The following SH3GL3 variants were observed in gnomAD, a reference collection of about 807,000 sequenced individuals.
SH3GL3 encodes SH3 domain containing GRB2 like 3, endophilin A3.
Under a neutral mutation model 47.7 loss-of-function variants are expected in SH3GL3, and 33 were observed. The observed-to-expected ratio is 0.69, with a 90% confidence interval of 0.52 to 0.92. The LOEUF (loss-of-function observed/expected upper bound fraction) is 0.92, where lower values mean the gene tolerates loss of function less well. Among genes scored for constraint, SH3GL3 ranks in the 40% least tolerant of loss-of-function variants. The pLI is 0.00. For missense variants in SH3GL3, 363 were observed against 417.8 expected (o/e 0.87, Z 1.14); for synonymous variants, 155 against 148.8 (o/e 1.04, Z -0.30).
At chr15:83,592,917 G>T (rs2060145020) in intron 8 of SH3GL3, among the ~76,000 whole-genome samples, 1 of 136,532 alleles carries the variant, frequency 7.3e-6, no homozygotes, top group Non-Finnish European at 1.6e-5. Flanking sequence ...CTGCACATCG[G>T]TTTAATAAAA....
intron 1 of SH3GL3, among the ~76,000 whole-genome samples, chr15:83,523,898 A>G (rs2043306159): frequency 6.6e-6 from 1 of 151,912 alleles, no homozygotes; most frequent in African/African-American, 2.4e-5. Context: ...AAACATCAAA[A>G]TCCTCCAAAA....
intron 2 of SH3GL3, among the ~76,000 whole-genome samples, chr15:83,562,459 T>A (rs1185621713): frequency 6.6e-6 from 1 of 152,176 alleles, no homozygotes; most frequent in Non-Finnish European, 1.5e-5. Context: ...GTTGTATATA[T>A]CAAAGGGAGC....
chr15:83,459,349 A>G (rs1265675034), intron 1 of SH3GL3, among the ~76,000 whole-genome samples: 1 of 152,226 alleles, frequency 6.6e-6, no homozygotes, highest in Non-Finnish European at 1.5e-5. Flanking sequence ...CTTCAATCCA[A>G]TCAAGTTGAC....
At chr15:83,481,068 G>C (rs2151555634) in intron 1 of SH3GL3, among the ~76,000 whole-genome samples, 1 of 152,230 alleles carries the variant, frequency 6.6e-6, no homozygotes, top group South Asian at 2.1e-4. Flanking sequence ...CTGAGGTTAG[G>C]AGTTCGAGAC....
At chr15:83,599,508 T>C (rs2060326137) in intron 8 of SH3GL3, among the ~76,000 whole-genome samples, 1 of 152,252 alleles carries the variant, frequency 6.6e-6, no homozygotes, top group Non-Finnish European at 1.5e-5. Flanking sequence ...CCACCCAGGT[T>C]GCTGCAGATG....
chr15:83,617,793 G>A (rs182069602), intron 8 of SH3GL3, among the ~76,000 whole-genome samples: 1 of 152,326 alleles, frequency 6.6e-6, no homozygotes, highest in East Asian at 1.9e-4. Context: ...CTCCCTTAGG[G>A]CTCCAGGTGG....
chr15:83,621,951 C>T (rs1317317254), downstream of SH3GL3, among the ~76,000 whole-genome samples: 2 of 151,732 alleles, frequency 1.3e-5, no homozygotes, highest in Non-Finnish European at 2.9e-5. Flanking sequence ...ACTAAATTCA[C>T]AACAATATGT....
At chr15:83,468,800 GT>G (rs34233165) in intron 1 of SH3GL3, among the ~76,000 whole-genome samples, 16,007 of 128,908 alleles carry the variant, frequency 0.12, 908 homozygotes, top group Admixed American at 0.23. Flanking sequence ...CTTTAGTAGT[GT>G]TTTTTTTTTT....
chr15:83,490,384 G>A (rs1161363717), intron 1 of SH3GL3, among the ~76,000 whole-genome samples: 1 of 151,790 alleles, frequency 6.6e-6, no homozygotes, highest in South Asian at 2.1e-4. Flanking sequence ...GAGGGACACT[G>A]AGGGCTCATC....
intron 1 of SH3GL3, among the ~76,000 whole-genome samples, chr15:83,529,743 G>A (rs951938394): frequency 2.0e-5 from 3 of 151,954 alleles, no homozygotes; most frequent in Non-Finnish European, 4.4e-5. Flanking sequence ...GCTGTTAGTG[G>A]GAGTGACCCT....
chr15:83,595,652 G>A (rs2585071), intron 8 of SH3GL3, among the ~76,000 whole-genome samples: 101,156 of 149,918 alleles, frequency 0.67, 34,243 homozygotes, highest in South Asian at 0.77. Context: ...AAGGCTTTAA[G>A]CTATAAATTC....
At chr15:83,566,027 T>A (rs1300638242) in intron 3 of SH3GL3, 7 of 152,224 alleles carry the variant, frequency 4.6e-5, no homozygotes, top group Admixed American at 2.6e-4. Flanking sequence ...CCTGGCCACA[T>A]CAGTGATTGA....
intron 1 of SH3GL3, among the ~76,000 whole-genome samples, chr15:83,541,310 C>CTCTTTTTTT (rs2044143784): frequency 2.1e-5 from 1 of 47,750 alleles, no homozygotes. Context: ...TATGGTAATT[C>CTCTTTTTTT]TATTTTTTTT....
At chr15:83,450,804 A>ATTTTTTTTTTTT (rs34099509) in intron 1 of SH3GL3, among the ~76,000 whole-genome samples, 3 of 58,822 alleles carry the variant, frequency 5.1e-5, no homozygotes, top group Non-Finnish European at 8.6e-5. Flanking sequence ...TTTTTTTTTA[A>ATTTTTTTTTTTT]TTTTTTTTTT....
chr15:83,576,211 A>G (rs1183764550), intron 5 of SH3GL3, among the ~76,000 whole-genome samples: 2 of 152,174 alleles, frequency 1.3e-5, no homozygotes, highest in Admixed American at 6.5e-5. Flanking sequence ...AAATGTTCCT[A>G]CTGTGTTTTG....
intron 1 of SH3GL3, among the ~76,000 whole-genome samples, chr15:83,546,010 G>A (rs1288875047): frequency 6.6e-6 from 1 of 152,212 alleles, no homozygotes; most frequent in Non-Finnish European, 1.5e-5. Context: ...TCTTGCCCAA[G>A]ATGTATTACA....
At chr15:83,522,336 TTTG>T (rs1317671707) in intron 1 of SH3GL3, among the ~76,000 whole-genome samples, 7 of 152,152 alleles carry the variant, frequency 4.6e-5, no homozygotes, top group Non-Finnish European at 8.8e-5. Flanking sequence ...TTTGGTATTA[TTTG>T]CACTGTAGTG....
At chr15:83,487,264 T>C (rs747660722) in intron 1 of SH3GL3, among the ~76,000 whole-genome samples, 1 of 152,036 alleles carries the variant, frequency 6.6e-6, no homozygotes, top group Non-Finnish European at 1.5e-5. Context: ...TGACATCAAT[T>C]TGATAACATG....
intron 8 of SH3GL3, 36 bp from the exon 9 acceptor site, chr15:83,618,046 T>A (rs975296291): frequency 1.5e-6 from 2 of 1,318,200 alleles, no homozygotes; most frequent in African/African-American, 2.9e-5. Context: ...TCCATCATGT[T>A]CATCTGTACT....
Sources: gnomAD v4.1 joint callset for allele counts (sites outside exome capture counted in the v4.1 genomes callset) on GRCh38, gnomAD v4.1.1 for gene constraint, MANE v1.5 for transcripts, NCBI Gene and HGNC (gene_info 2026-07-23, HGNC 2026-07-21) for gene names.